The following IQGAP2 variants were observed in gnomAD, a reference collection of about 807,000 sequenced individuals.
The protein encoded by IQGAP2 is ras GTPase-activating-like protein IQGAP2.
In IQGAP2, 173 loss-of-function variants were observed where a neutral mutation model predicts 201.3. The ratio of observed to expected loss-of-function variants is 0.86; its 90% CI spans 0.76 to 0.98. The LOEUF is 0.98. IQGAP2 is among the 50% of genes least tolerant of loss of function. The probability of loss-of-function intolerance (pLI) is 0.00; values close to 1 mark genes in which losing one functional copy is unlikely to be tolerated. For synonymous variants in IQGAP2, 675 were observed against 673.9 expected (o/e 1.00, Z -0.03); for missense variants, 1,687 against 1,864.8 (o/e 0.90, Z 1.76).
chr5:76,663,189 AG>A (rs1347766656), intron 21 of IQGAP2, among the ~76,000 whole-genome samples: 2 of 152,168 alleles, frequency 1.3e-5, no homozygotes, highest in African/African-American at 2.4e-5. Flanking sequence ...GAAAATGACT[AG>A]GGGCCCCTGC....
intron 2 of IQGAP2, chr5:76,510,544 C>T (rs947030369): frequency 1.8e-5 from 8 of 432,702 alleles, no homozygotes; most frequent in East Asian, 7.2e-5. Flanking sequence ...TGCTGGACCC[C>T]GCCAAGGTAT....
At chr5:76,445,882 C>T (rs1753362259) in intron 1 of IQGAP2, among the ~76,000 whole-genome samples, 1 of 152,204 alleles carries the variant, frequency 6.6e-6, no homozygotes. Context: ...CTCTATTCTA[C>T]TTTCTGTCTC....
At chr5:76,526,151 A>G (rs75709885) in intron 2 of IQGAP2, among the ~76,000 whole-genome samples, 410 of 152,334 alleles carry the variant, frequency 2.7e-3, no homozygotes, top group African/African-American at 9.5e-3. Flanking sequence ...GTTAACCTCA[A>G]AAAGTCTATT....
intron 30 of IQGAP2, among the ~76,000 whole-genome samples, chr5:76,686,644 G>A (rs1272916009): frequency 1.3e-5 from 2 of 152,062 alleles, no homozygotes; most frequent in Non-Finnish European, 2.9e-5. Context: ...CAAGTAGCTG[G>A]GACTACAGGT....
intron 1 of IQGAP2, among the ~76,000 whole-genome samples, chr5:76,438,035 G>GTTTTTTTTTTTTTTTTTTTTTTTTTTT (rs71604291): frequency 7.3e-5 from 5 of 68,600 alleles, no homozygotes; most frequent in Non-Finnish European, 1.1e-4. Context: ...TTTTTTGTTT[G>GTTTTTTTTTTTTTTTTTTTTTTTTTTT]TTTTTTTTTT....
intron 28 of IQGAP2, 98 bp downstream of exon 28, chr5:76,677,448 G>A (rs925715801): frequency 5.7e-6 from 6 of 1,050,870 alleles, no homozygotes; most frequent in Non-Finnish European, 8.2e-6. Flanking sequence ...TTGTACACAT[G>A]TGCTAATACT....
At chr5:76,560,020 T>G (rs777885723) in intron 2 of IQGAP2, among the ~76,000 whole-genome samples, 11 of 152,244 alleles carry the variant, frequency 7.2e-5, no homozygotes, top group Non-Finnish European at 1.5e-4. Context: ...AGTCCCTTCA[T>G]TATACTAAAA....
chr5:76,430,292 C>A (rs1431994988), intron 1 of IQGAP2, among the ~76,000 whole-genome samples: 1 of 152,198 alleles, frequency 6.6e-6, no homozygotes. Flanking sequence ...AATTAACGAG[C>A]TCCAGCTGGG....
intron 12 of IQGAP2, among the ~76,000 whole-genome samples, chr5:76,610,397 C>T (rs1384690706): frequency 9.9e-5 from 15 of 151,124 alleles, no homozygotes; most frequent in Admixed American, 9.9e-4. Context: ...CACTTCACAC[C>T]CACTAGGATG....
intron 1 of IQGAP2, among the ~76,000 whole-genome samples, chr5:76,436,106 A>C (rs536399908): frequency 6.6e-6 from 1 of 152,172 alleles, no homozygotes; most frequent in South Asian, 2.1e-4. Flanking sequence ...TTTCAAATCT[A>C]GAAGTCTTTT....
At chr5:76,461,732 G>T in intron 2 of IQGAP2, 63 bp downstream of exon 2, 1 of 1,192,956 alleles carries the variant, frequency 8.4e-7, no homozygotes, top group Non-Finnish European at 1.2e-6. Context: ...TGATAAGGGC[G>T]TGGGATTTGA....
intron 1 of IQGAP2, among the ~76,000 whole-genome samples, chr5:76,455,618 A>G (rs1400402232): frequency 2.0e-5 from 3 of 152,132 alleles, no homozygotes; most frequent in African/African-American, 7.2e-5. Context: ...ATATTTGCAG[A>G]AAAGGATAAA....
At chr5:76,685,576 G>T (rs767762334) in intron 30 of IQGAP2, among the ~76,000 whole-genome samples, 4 of 152,114 alleles carry the variant, frequency 2.6e-5, no homozygotes, top group Non-Finnish European at 5.9e-5. Context: ...CACATTTAAA[G>T]ATAAAACCAT....
intron 28 of IQGAP2, among the ~76,000 whole-genome samples, chr5:76,680,748 G>A (rs886140180): frequency 2.0e-5 from 3 of 148,188 alleles, no homozygotes; most frequent in African/African-American, 7.5e-5. Context: ...CCATGATCAT[G>A]CCATTGTACC....
chr5:76,570,363 G>A (rs574638077), intron 3 of IQGAP2, among the ~76,000 whole-genome samples: 100 of 152,284 alleles, frequency 6.6e-4, no homozygotes, highest in Middle Eastern at 3.4e-3. Context: ...TACCTCAAAC[G>A]TGTGAATTAT....
chr5:76,518,679 A>G (rs1305120893), intron 2 of IQGAP2, among the ~76,000 whole-genome samples: 2 of 152,138 alleles, frequency 1.3e-5, no homozygotes, highest in South Asian at 2.1e-4. Context: ...TATTTGCCCA[A>G]AGTTTCTTTG....
At chr5:76,543,525 A>T (rs4703712) in intron 2 of IQGAP2, among the ~76,000 whole-genome samples, 1 of 152,010 alleles carries the variant, frequency 6.6e-6, no homozygotes, top group African/African-American at 2.4e-5. Context: ...TTTGCCCAGG[A>T]GATGGAGCTG....
Position 76,437,402 on chromosome 5 carries a change from A to G in IQGAP2, c.47-24168A>G, listed in dbSNP as rs1256008499. 2.0e-5 allele frequency among the ~76,000 whole-genome samples: 3 copies of G among 152,164 alleles called. 1 individual carries two copies. Among genetic ancestry groups the G allele is most frequent in the Admixed American group, 2.0e-4 (3 of 15,268 alleles). ...TATTTTATTTTAAGTTCTGGGATAT[A>G]TGTGTGGGATGTGCAGGTTTATTAC... On this transcript the variant is annotated intron_variant, in intron 1 of 35. Transcript: ENST00000274364.
At chr5:76,648,819 G>A (rs554671560) in intron 17 of IQGAP2, among the ~76,000 whole-genome samples, 2 of 148,348 alleles carry the variant, frequency 1.3e-5, no homozygotes, top group Admixed American at 1.3e-4. Context: ...ATGAATCAGT[G>A]CACTAGAGAC....
Sources: allele counts gnomAD v4.1 joint callset (sites outside exome capture counted in the v4.1 genomes callset), GRCh38; gene constraint gnomAD v4.1.1; transcripts MANE v1.5; gene names NCBI Gene and HGNC (gene_info 2026-07-23, HGNC 2026-07-21).